The following ROR1 variants were observed in gnomAD, a reference collection of about 807,000 sequenced individuals.
ROR1 encodes inactive tyrosine-protein kinase transmembrane receptor ROR1.
ROR1 carries 19 observed loss-of-function variants against 78.8 expected under a neutral mutation model. The ratio of observed to expected loss-of-function variants is 0.24; its 90% CI spans 0.17 to 0.35. The LOEUF (loss-of-function observed/expected upper bound fraction) is 0.35, where lower values mean the gene tolerates loss of function less well. Among genes scored for constraint, ROR1 ranks in the 10% least tolerant of loss-of-function variants. The pLI is 1.00. For synonymous variants in ROR1, 386 were observed against 433.6 expected (o/e 0.89, Z 1.36); for missense variants, 917 against 1,177.8 (o/e 0.78, Z 3.24).
chr1:64,015,203 A>G (rs761413095), intron 2 of ROR1, among the ~76,000 whole-genome samples: 4 of 152,114 alleles, frequency 2.6e-5, no homozygotes, highest in Admixed American at 1.3e-4. Context: ...CCATAGTTCA[A>G]TCAGCTCCCA....
chr1:64,095,112 A>G (rs1024207499), intron 4 of ROR1: 1 of 152,192 alleles, frequency 6.6e-6, no homozygotes, highest in Non-Finnish European at 1.5e-5. Context: ...ACAAGTCACT[A>G]TAAAATCTCC....
chr1:64,104,355 C>T (rs981798856), intron 4 of ROR1, among the ~76,000 whole-genome samples: 27 of 152,164 alleles, frequency 1.8e-4, no homozygotes, highest in African/African-American at 6.5e-4. Flanking sequence ...TTACTTAAAG[C>T]CATGTGTGAC....
At chr1:63,861,201 T>TC (rs1645179835) in intron 1 of ROR1, among the ~76,000 whole-genome samples, 1 of 152,196 alleles carries the variant, frequency 6.6e-6, no homozygotes, top group Non-Finnish European at 1.5e-5. Flanking sequence ...CTCCACCCTT[T>TC]CCCCAGTGTT....
Position 64,179,025 on chromosome 1 carries a change from A to C in ROR1, c.*170A>C, listed in dbSNP as rs895056013. The C allele has an allele frequency of 0.02, 142 of 7,272 alleles. No individual in the cohort carries two copies. Among genetic ancestry groups the C allele is most frequent in the East Asian group, 0.047 (14 of 300 alleles). The allele number at this position is 7,272 out of a possible 1,614,324, so 0.5% of individuals were successfully genotyped here. On this transcript the variant is annotated 3_prime_UTR_variant, in exon 9 of 9. Coordinates refer to ENST00000371079, the MANE Select transcript of ROR1 (RefSeq NM_005012.4). ...CCAAGCAGGACAGACACTCGGCCAG[A>C]AAAAAAAAAAAAAAAAAAAAACAAG... is the stretch of plus-strand genomic sequence containing the variant.
At chr1:63,938,311 G>A (rs1331032787) in intron 1 of ROR1, among the ~76,000 whole-genome samples, 1 of 152,156 alleles carries the variant, frequency 6.6e-6, no homozygotes, top group Non-Finnish European at 1.5e-5. Flanking sequence ...TAGGTTATAT[G>A]CAAATACTAA....
rs190382359 is a variant in ROR1, at chr1:63,935,673, A to G, written c.92-73632A>G. On this transcript the variant is annotated intron_variant, in intron 1 of 8. Coordinates refer to ENST00000371079, the MANE Select transcript of ROR1 (RefSeq NM_005012.4). ...TAATCACAAACTGTACAGTGTCAGA[A>G]AAAGTCCTGCTACCCTGTCTTGTCA... Among the ~76,000 whole-genome samples the G allele has an allele frequency of 4.4e-3, 667 of 152,336 alleles. 5 individuals are homozygous for G. The highest frequency in any genetic ancestry group is 0.015 in the African/African-American group (641 of 41,590).
intron 1 of ROR1, among the ~76,000 whole-genome samples, chr1:63,919,621 G>C (rs1218692202): frequency 6.6e-6 from 1 of 151,798 alleles, no homozygotes; most frequent in Non-Finnish European, 1.5e-5. Flanking sequence ...TCTTTTGGAA[G>C]ACGAGATATT....
chr1:64,149,337 G>A (rs1191027994), intron 7 of ROR1, among the ~76,000 whole-genome samples: 1 of 152,096 alleles, frequency 6.6e-6, no homozygotes, highest in Non-Finnish European at 1.5e-5. Flanking sequence ...TGCCATAACT[G>A]CTTAAACAAT....
At chr1:64,072,627 A>G (rs1243884881) in intron 4 of ROR1, among the ~76,000 whole-genome samples, 1 of 152,184 alleles carries the variant, frequency 6.6e-6, no homozygotes, top group Non-Finnish European at 1.5e-5. Context: ...AAACCACGCT[A>G]GTGTTTAATA....
chr1:64,002,657 T>C (rs534640971), intron 1 of ROR1, among the ~76,000 whole-genome samples: 1 of 152,266 alleles, frequency 6.6e-6, no homozygotes, highest in East Asian at 1.9e-4. Flanking sequence ...GCATGTGGTC[T>C]ATAGGTTGAA....
intron 4 of ROR1, among the ~76,000 whole-genome samples, chr1:64,095,576 CTTTA>C (rs1035681160): frequency 2.0e-5 from 3 of 152,116 alleles, no homozygotes; most frequent in Non-Finnish European, 4.4e-5. Flanking sequence ...CATTTGATAT[CTTTA>C]TTTAGGTGGT....
At chr1:64,095,616 A>G (rs1389404155) in intron 4 of ROR1, among the ~76,000 whole-genome samples, 1 of 152,202 alleles carries the variant, frequency 6.6e-6, no homozygotes, top group Non-Finnish European at 1.5e-5. Flanking sequence ...TTCACTTTGC[A>G]AAAATTAATT....
chr1:63,928,520 G>A (rs190508367), intron 1 of ROR1, among the ~76,000 whole-genome samples: 1 of 152,310 alleles, frequency 6.6e-6, no homozygotes, highest in African/African-American at 2.4e-5. Context: ...GATATGCCCA[G>A]TATCCCACAA....
At chr1:63,842,404 G>A (rs1318827997) in intron 1 of ROR1, among the ~76,000 whole-genome samples, 2 of 152,190 alleles carry the variant, frequency 1.3e-5, no homozygotes, top group African/African-American at 2.4e-5. Flanking sequence ...TCATGAAGAG[G>A]GCCAGGTGAC....
chr1:64,134,748 C>CT (rs58315931), intron 4 of ROR1, among the ~76,000 whole-genome samples: 5,144 of 131,540 alleles, frequency 0.039, 150 homozygotes, highest in Middle Eastern at 0.086. Flanking sequence ...TTCTTTCATT[C>CT]TTTTTTTTTT....
chr1:63,820,860 A>G (rs1468404375), intron 1 of ROR1, among the ~76,000 whole-genome samples: 1 of 152,208 alleles, frequency 6.6e-6, no homozygotes, highest in African/African-American at 2.4e-5. Flanking sequence ...GGAGAAGTTC[A>G]ATAACCTGTG....
chr1:63,789,692 TTTTTG>T, intron 1 of ROR1, among the ~76,000 whole-genome samples: 1 of 150,910 alleles, frequency 6.6e-6, no homozygotes, highest in South Asian at 2.1e-4. Context: ...TTTTTTTTTT[TTTTTG>T]TCTTTAAACA....
intron 1 of ROR1, among the ~76,000 whole-genome samples, chr1:63,907,678 A>C (rs569051194): frequency 6.6e-6 from 1 of 152,198 alleles, no homozygotes; most frequent in Non-Finnish European, 1.5e-5. Context: ...TGTGCCTAGC[A>C]GTGTGCAAGG....
In ROR1 at chr1:64,021,589, C is replaced by T. The variant is rs555325906; in HGVS notation, c.163+12213C>T. Among the ~76,000 whole-genome samples the T allele has an allele frequency of 7.2e-4, 109 of 152,264 alleles. 1 individual carries two copies. Among genetic ancestry groups the T allele is most frequent in the Middle Eastern group, 3.4e-3 (1 of 294 alleles). On this transcript the variant is annotated intron_variant, in intron 2 of 8. Transcript: ENST00000371079. ...GGAAAACAAGTTCAAGGTAAAGTGA[C>T]GCAGCTAGTAAATGGCAGAGCCAGA...
Sources: gnomAD v4.1 joint callset for allele counts (sites outside exome capture counted in the v4.1 genomes callset) on GRCh38, gnomAD v4.1.1 for gene constraint, MANE v1.5 for transcripts, NCBI Gene and HGNC (gene_info 2026-07-23, HGNC 2026-07-21) for gene names.